The following PPIP5K2 variants were observed in gnomAD, a reference collection of about 807,000 sequenced individuals.
The protein encoded by PPIP5K2 is inositol hexakisphosphate and diphosphoinositol-pentakisphosphate kinase 2.
A neutral mutation model predicts 154.6 loss-of-function variants in PPIP5K2; 105 were observed. The observed-to-expected ratio is 0.68, with a 90% CI of 0.58 to 0.80. PPIP5K2 has a LOEUF of 0.80. PPIP5K2 is among the 30% of genes least tolerant of loss of function. The pLI is 0.00. For missense variants in PPIP5K2, 992 were observed against 1,504.6 expected, an observed-to-expected ratio of 0.66 and a Z score of 5.64; for synonymous variants, 480 against 490.3, an observed-to-expected ratio of 0.98 and a Z score of 0.28.
At chr5:103,148,184 T>G (rs1794041742) in intron 7 of PPIP5K2, 152 bp downstream of exon 7, 1 of 701,554 alleles carries the variant, frequency 1.4e-6, no homozygotes, top group Non-Finnish European at 2.6e-6. Flanking sequence ...ACAACATCTT[T>G]AGCAGTCTGA....
At position 103,177,793 on chromosome 5, in the gene PPIP5K2, TTGTG is replaced by T. The variant is rs1562477751; in HGVS notation, c.2637+21_2637+24del. 2 of 1,597,456 alleles carry T rather than the reference TTGTG, an allele frequency of 1.3e-6. No homozygotes were observed. Among genetic ancestry groups the T allele is most frequent in the Admixed American group, 1.7e-5 (1 of 59,522 alleles). ...TAATAAGGTAAACAGAGCTCTTGAT[TTGTG>T]TTTTACCAGACATAAATAAAGAGCT... On this transcript the variant is annotated intron_variant, in intron 22 of 30. Transcript: ENST00000358359.
At chr5:103,135,217 AC>A (rs1425162875) in intron 3 of PPIP5K2, among the ~76,000 whole-genome samples, 1 of 152,142 alleles carries the variant, frequency 6.6e-6, no homozygotes, top group African/African-American at 2.4e-5. Flanking sequence ...TTATATCCAC[AC>A]TATTATTAAT....
intron 28 of PPIP5K2, among the ~76,000 whole-genome samples, chr5:103,189,913 A>T (rs187920591): frequency 3.6e-4 from 55 of 152,242 alleles, no homozygotes; most frequent in Admixed American, 3.5e-3. Context: ...TTTGAGTATT[A>T]TAAGTATTTA....
chr5:103,154,068 A>G (rs1374261513), intron 11 of PPIP5K2, 134 bp downstream of exon 11: 6 of 570,170 alleles, frequency 1.1e-5, no homozygotes, highest in Admixed American at 7.0e-5. Context: ...TATTTAAACC[A>G]GTGGGTGGGT....
intron 26 of PPIP5K2, 32 bp from the exon 27 acceptor site, chr5:103,186,288 G>A (rs373267323): frequency 6.2e-6 from 10 of 1,612,466 alleles, no homozygotes; most frequent in Admixed American, 3.3e-5. Context: ...AAGAACACCC[G>A]TTGTGTATGT....
intron 17 of PPIP5K2, among the ~76,000 whole-genome samples, chr5:103,161,956 A>C (rs1362431322): frequency 6.6e-6 from 1 of 151,908 alleles, no homozygotes; most frequent in African/African-American, 2.4e-5. Context: ...TCTTGAGTTT[A>C]ATTAGATCCC....
At chr5:103,175,236 AATT>A (rs1304760023) in intron 21 of PPIP5K2, among the ~76,000 whole-genome samples, 4 of 152,128 alleles carry the variant, frequency 2.6e-5, no homozygotes, top group African/African-American at 9.7e-5. Flanking sequence ...CCTTGAGAGT[AATT>A]ATTATCAAAG....
intron 6 of PPIP5K2, among the ~76,000 whole-genome samples, chr5:103,146,938 T>C (rs1793849007): frequency 6.6e-6 from 1 of 151,950 alleles, no homozygotes; most frequent in African/African-American, 2.4e-5. Context: ...ATTTTGTACA[T>C]CTGTCAAACT....
At chr5:103,131,437 TC>T (rs1455411668) in intron 2 of PPIP5K2, among the ~76,000 whole-genome samples, 2 of 152,012 alleles carry the variant, frequency 1.3e-5, no homozygotes, top group African/African-American at 4.8e-5. Flanking sequence ...ATGCTTTTTT[TC>T]CCCCCAAATA....
chr5:103,168,195 G>T lies in PPIP5K2; in HGVS notation c.2186G>T (p.Cys729Phe). 1 of 1,608,216 alleles carries T rather than the reference G, an allele frequency of 6.2e-7. No individual in the cohort carries two copies. The highest frequency in any genetic ancestry group is 1.1e-5 in the South Asian group (1 of 90,908). ...AGTAAAATCCCTGACATATATGACT[G>T]TATAAAATATGATGTCCAGCATAAT... ...DISKIPDIYD[C>F]IKYDVQHNGS... is the part of the protein sequence containing the mutation. The change falls in exon 19 of 31, where the codon TGT (cysteine) becomes TTT (phenylalanine). Residue 729 changes from cysteine (C) to phenylalanine (F), a missense_variant. Physicochemically the swap from Cys to Phe is radical, Grantham distance 205. Transcript: ENST00000358359.
intron 30 of PPIP5K2, among the ~76,000 whole-genome samples, chr5:103,197,367 T>A (rs1392180039): frequency 6.6e-6 from 1 of 152,040 alleles, no homozygotes; most frequent in Non-Finnish European, 1.5e-5. Context: ...TTGTTCATTT[T>A]ATCTAAGTTG....
chr5:103,162,160 T>C (rs1184147002), intron 17 of PPIP5K2, among the ~76,000 whole-genome samples: 2 of 152,140 alleles, frequency 1.3e-5, no homozygotes, highest in Non-Finnish European at 2.9e-5. Flanking sequence ...GGCTTCAATG[T>C]CTATTGACCA....
chr5:103,165,887 A>G (rs1580293649), intron 17 of PPIP5K2, among the ~76,000 whole-genome samples: 1 of 152,246 alleles, frequency 6.6e-6, no homozygotes, highest in East Asian at 1.9e-4. Flanking sequence ...TTTAACTTAC[A>G]CAATTCTGAC....
At chr5:103,159,926 C>G (rs141743438) in intron 17 of PPIP5K2, among the ~76,000 whole-genome samples, 117 of 152,262 alleles carry the variant, frequency 7.7e-4, no homozygotes, top group African/African-American at 2.6e-3. Context: ...ATCTTCCCAA[C>G]CCCTTCCTTT....
rs202038876 is a variant in PPIP5K2 at position 103,138,384 on chromosome 5, G to A, written c.402G>A (p.Arg134=). ...DLNMQYLIQD[R]REVYSILQAE... ...TAAGGATGTTTCCCTTTTTCTTCAG[G>A]AGAGAAGTATATAGTATTCTTCAAG... The change falls in exon 5 of 31, where the codon AGG becomes AGA. Residue 134 remains arginine (R), a splice_region_variant and synonymous_variant. Coordinates refer to ENST00000358359, the MANE Select transcript of PPIP5K2 (RefSeq NM_001276277.3). The A allele has an allele frequency of 1.8e-5, 27 of 1,540,616 alleles. No individual in the cohort carries two copies. Among genetic ancestry groups the A allele is most frequent in the Non-Finnish European group, 2.4e-5 (27 of 1,128,100 alleles).
intron 5 of PPIP5K2, among the ~76,000 whole-genome samples, 158 bp from the exon 6 acceptor site, chr5:103,146,369 A>G (rs1332554817): frequency 6.6e-6 from 1 of 152,102 alleles, no homozygotes; most frequent in African/African-American, 2.4e-5. Context: ...ATGTTGGCAC[A>G]TGTTATTTAC....
chr5:103,182,491 T>C (rs1799703073), intron 24 of PPIP5K2, among the ~76,000 whole-genome samples: 1 of 152,204 alleles, frequency 6.6e-6, no homozygotes, highest in South Asian at 2.1e-4. Context: ...TATAAGAAGT[T>C]TGTACTTCCA....
intron 3 of PPIP5K2, 111 bp from the exon 4 acceptor site, chr5:103,136,621 T>G: frequency 1.3e-6 from 1 of 776,750 alleles, no homozygotes; most frequent in Non-Finnish European, 2.3e-6. Flanking sequence ...AGAAGGGTGT[T>G]ATGTGTTAAT....
chr5:103,169,636 T>C (rs782577474), intron 19 of PPIP5K2, among the ~76,000 whole-genome samples: 7 of 151,752 alleles, frequency 4.6e-5, no homozygotes, highest in Non-Finnish European at 1.0e-4. Flanking sequence ...TGTATGAATC[T>C]GTGATTTTAA....
Sources: gnomAD v4.1 joint callset for allele counts (sites outside exome capture counted in the v4.1 genomes callset) on GRCh38, gnomAD v4.1.1 for gene constraint, MANE v1.5 for transcripts, NCBI Gene and HGNC (gene_info 2026-07-23, HGNC 2026-07-21) for gene names.